Variants in RIMBP2 observed in about 807,000 individuals in gnomAD.
RIMBP2 encodes RIMS-binding protein 2.
A neutral mutation model predicts 118.6 loss-of-function variants in RIMBP2; 48 were observed. The ratio of observed to expected loss-of-function variants is 0.40; its 90% CI spans 0.32 to 0.51. RIMBP2 has a LOEUF of 0.51. Among genes scored for constraint, RIMBP2 ranks in the 20% least tolerant of loss-of-function variants. RIMBP2 has a pLI of 0.41. For missense variants in RIMBP2, 1,551 were observed against 1,768.3 expected, an observed-to-expected ratio of 0.88 and a Z score of 2.20; for synonymous variants, 762 against 742.9, an observed-to-expected ratio of 1.03 and a Z score of -0.42.
At chr12:130,626,516 T>C (rs1312850680) in intron 2 of RIMBP2, among the ~76,000 whole-genome samples, 1 of 138,386 alleles carries the variant, frequency 7.2e-6, no homozygotes, top group African/African-American at 2.7e-5. Flanking sequence ...TGACTACCAC[T>C]GGCATCACCA....
intron 1 of RIMBP2, among the ~76,000 whole-genome samples, chr12:130,702,859 TC>T (rs1408145923): frequency 6.6e-6 from 1 of 152,068 alleles, no homozygotes; most frequent in Non-Finnish European, 1.5e-5. Flanking sequence ...TCTTTTCTCA[TC>T]CATAAAACTG....
intron 5 of RIMBP2, among the ~76,000 whole-genome samples, chr12:130,474,160 C>T (rs1180045437): frequency 6.6e-6 from 1 of 152,150 alleles, no homozygotes; most frequent in Non-Finnish European, 1.5e-5. Flanking sequence ...CTCAGGGTTT[C>T]AGAATCGGGT....
Position 130,456,565 on chromosome 12 carries a change from C to G in RIMBP2, c.289G>C (p.Asp97His). 6.2e-7 allele frequency: 1 copy of G among 1,613,188 alleles called. No homozygotes were observed. The highest frequency in any genetic ancestry group is 8.5e-7 in the Non-Finnish European group (1 of 1,179,498). Residue 97 changes from aspartate to histidine, a missense_variant, in exon 7 of 23, where the codon GAC becomes CAC. This residue lies in a region of RIMBP2 where 239 missense variants were observed against 256.8 expected (regional missense o/e 0.93). Transcript: ENST00000690449. ...GGCTTGCTGGGGGCCGTGGAGATGT[C>G]CAGGGGGGCCACCGCGCTGCCACCC... is the stretch of plus-strand genomic sequence containing the variant. ...LLGGSAVAPL[D>H]ISTAPSKPFP...
intron 2 of RIMBP2, among the ~76,000 whole-genome samples, chr12:130,594,584 A>G (rs2059448132): frequency 1.3e-5 from 2 of 152,176 alleles, no homozygotes; most frequent in Admixed American, 6.5e-5. Flanking sequence ...AAAATCTCAT[A>G]GTGTTTTAAG....
chr12:130,424,032 C>A lies in RIMBP2; in HGVS notation c.3129+110G>T. ...AAAATGCAGGGAAAACGAAAGACAG[C>A]CAGCAAGAGAGTCCCCAGGGATGGA... On this transcript the variant is annotated intron_variant, in intron 16 of 22. Transcript: ENST00000690449. The surrounding 1 kb of genome is among the most constrained non-coding windows in gnomAD (Gnocchi z 9.8). The A allele has an allele frequency of 1.9e-6, 1 of 538,056 alleles. No homozygotes were observed. Among genetic ancestry groups the A allele is most frequent in the East Asian group, 3.5e-5 (1 of 28,564 alleles). 33.3% of individuals were successfully genotyped at this position (538,056 alleles called of 1,614,324 possible).
intron 3 of RIMBP2, among the ~76,000 whole-genome samples, chr12:130,506,983 T>C (rs182901786): frequency 6.6e-6 from 1 of 152,152 alleles, no homozygotes; most frequent in Admixed American, 6.5e-5. Context: ...TCTTCCTCCC[T>C]CCCACCTCCA....
At chr12:130,510,685 T>C (rs983790188) in intron 3 of RIMBP2, among the ~76,000 whole-genome samples, 5 of 152,170 alleles carry the variant, frequency 3.3e-5, no homozygotes, top group African/African-American at 1.2e-4. Flanking sequence ...GCCAGGCTGG[T>C]CTTGAACTCC....
At chr12:130,461,555 C>T (rs898132693) in intron 6 of RIMBP2, among the ~76,000 whole-genome samples, 3 of 152,050 alleles carry the variant, frequency 2.0e-5, no homozygotes, top group Admixed American at 2.0e-4. Context: ...AGCAGGGCGT[C>T]GTCCCCTCCA....
At chr12:130,397,606 C>G (rs181890849) in intron 22 of RIMBP2, 57 bp from the exon 23 acceptor site, 7 of 398,502 alleles carry the variant, frequency 1.8e-5, no homozygotes, top group Admixed American at 8.8e-5. Flanking sequence ...ACAGAATTCA[C>G]TTGGTAACAT....
chr12:130,551,820 C>A (rs568288872), intron 2 of RIMBP2, among the ~76,000 whole-genome samples: 1 of 152,338 alleles, frequency 6.6e-6, no homozygotes, highest in East Asian at 1.9e-4. Flanking sequence ...TAATTCTTTT[C>A]CACAAAGGGG....
intron 14 of RIMBP2, chr12:130,432,319 T>C (rs765151914): frequency 1.8e-5 from 8 of 456,514 alleles, no homozygotes; most frequent in African/African-American, 1.4e-4. Flanking sequence ...GGCCTCAGTT[T>C]CCCTGTATAC....
At chr12:130,546,919 G>A (rs2055233126) in intron 2 of RIMBP2, among the ~76,000 whole-genome samples, 1 of 152,176 alleles carries the variant, frequency 6.6e-6, no homozygotes, top group Non-Finnish European at 1.5e-5. Flanking sequence ...TGGAATGAGA[G>A]GCTGGCCCTG....
chr12:130,696,575 C>A (rs1389935109), intron 1 of RIMBP2, among the ~76,000 whole-genome samples: 1 of 152,192 alleles, frequency 6.6e-6, no homozygotes, highest in Non-Finnish European at 1.5e-5. Flanking sequence ...TGAGCTGACT[C>A]AGCATTTTGA....
rs1037535723 is a variant in RIMBP2, at chr12:130,476,632, C to T, written c.102+2280G>A. On this transcript the variant is annotated intron_variant, in intron 5 of 22. Coordinates refer to ENST00000690449, the MANE Select transcript of RIMBP2 (RefSeq NM_001393629.1). ...CTCCCTAACCCTTGCACACTCCTGC[C>T]CCAGCCCTCGGCGTGGTGGGTGTCA... 3.9e-5 allele frequency among the ~76,000 whole-genome samples: 6 copies of T among 152,234 alleles called. No homozygotes were observed. In the South Asian group the frequency reaches 6.2e-4, roughly 16 times the overall value.
chr12:130,714,052 G>A (rs987372670), intron 1 of RIMBP2, among the ~76,000 whole-genome samples: 5 of 152,074 alleles, frequency 3.3e-5, no homozygotes, highest in Non-Finnish European at 5.9e-5. Flanking sequence ...TAACCCACCC[G>A]CCAGGATGCC....
At chr12:130,482,180 GT>G (rs1256715260) in intron 4 of RIMBP2, among the ~76,000 whole-genome samples, 1 of 152,216 alleles carries the variant, frequency 6.6e-6, no homozygotes. Context: ...GGTCCCAGAG[GT>G]CCTCAGGACG....
At chr12:130,538,102 G>A (rs2054235233) in intron 2 of RIMBP2, among the ~76,000 whole-genome samples, 1 of 152,164 alleles carries the variant, frequency 6.6e-6, no homozygotes, top group Admixed American at 6.5e-5. Context: ...AGTGTGGCAG[G>A]AAGGAGATGA....
At position 130,523,728 on chromosome 12, in the gene RIMBP2, G is replaced by A. The variant is rs1225467256; in HGVS notation, c.-216-5811C>T. 6.6e-6 allele frequency among the ~76,000 whole-genome samples: 1 copy of A among 152,200 alleles called. No individual in the cohort carries two copies. Among genetic ancestry groups the A allele is most frequent in the East Asian group, 1.9e-4 (1 of 5,192 alleles). On this transcript the variant is annotated intron_variant, in intron 2 of 22. Transcript: ENST00000690449. The surrounding 1 kb of genome is among the most constrained non-coding windows in gnomAD (Gnocchi z 4.4). The stretch of plus-strand genomic sequence containing the variant: ...TGTGTCAGTACCGGGCTCAGCAGGG[G>A]GCCCTGAGTGAGTGGGTGAGGAGCA...
intron 3 of RIMBP2, among the ~76,000 whole-genome samples, chr12:130,508,474 T>G (rs1464093603): frequency 2.0e-5 from 3 of 152,036 alleles, no homozygotes; most frequent in African/African-American, 7.2e-5. Flanking sequence ...CTGCACCTGC[T>G]GATTCCATTG....
Sources: gnomAD v4.1 joint callset for allele counts (sites outside exome capture counted in the v4.1 genomes callset) on GRCh38, gnomAD v4.1.1 for gene constraint, gnomAD v4.1.1 regional missense constraint, Gnocchi (gnomAD v3.1) non-coding constraint, MANE v1.5 for transcripts, NCBI Gene and HGNC (gene_info 2026-07-23, HGNC 2026-07-21) for gene names.